Variants in FBXL5 observed in about 807,000 individuals in gnomAD.
FBXL5 encodes F-box/LRR-repeat protein 5.
FBXL5 carries 26 observed loss-of-function variants against 78.3 expected under a neutral mutation model. The ratio of observed to expected loss-of-function variants is 0.33; its 90% CI spans 0.24 to 0.46. The LOEUF is 0.46. Ranked by LOEUF, FBXL5 falls within the 20% of genes least tolerant of loss-of-function variation. FBXL5 has a pLI of 1.00. For synonymous variants in FBXL5, 295 were observed against 282.5 expected (o/e 1.04, Z -0.45); for missense variants, 710 against 829.2 (o/e 0.86, Z 1.77).
chr4:15,660,843 G>A (rs189480407), upstream of FBXL5, among the ~76,000 whole-genome samples: 72 of 152,226 alleles, frequency 4.7e-4, 1 homozygote, highest in East Asian at 3.9e-3. Flanking sequence ...CTGGGAGGCC[G>A]AGGTGGGCGG....
At chr4:15,644,045 T>C (rs67047740) in intron 2 of FBXL5, among the ~76,000 whole-genome samples, 15,992 of 152,294 alleles carry the variant, frequency 0.11, 1,115 homozygotes, top group Non-Finnish European at 0.15. Flanking sequence ...TAGTCCAGTT[T>C]CAGCAAAAAT....
At chr4:15,654,796 G>A (rs1037932042) in intron 1 of FBXL5, among the ~76,000 whole-genome samples, 6 of 152,162 alleles carry the variant, frequency 3.9e-5, no homozygotes, top group Admixed American at 3.3e-4. Flanking sequence ...CAACTACTCG[G>A]TGCAGATGGG....
chr4:15,619,065 G>A lies in FBXL5; in HGVS notation c.1850+6187C>T, dbSNP rs116239216. On this transcript the variant is annotated intron_variant, in intron 9 of 10. Transcript: ENST00000341285. ...GCTACTTGTAGTGGTGGGGCAGGGG[G>A]GTGCTGAGGTAAGAGGATCACTAGG... 3.9e-3 allele frequency among the ~76,000 whole-genome samples: 591 copies of A among 152,176 alleles called. 7 individuals are homozygous for A. Among genetic ancestry groups the A allele is most frequent in the African/African-American group, 0.014 (572 of 41,508 alleles).
chr4:15,636,623 T>A lies in FBXL5; in HGVS notation c.637A>T (p.Met213Leu). 1 of 1,613,982 alleles carries A rather than the reference T, an allele frequency of 6.2e-7. No individual in the cohort carries two copies. Among genetic ancestry groups the A allele is most frequent in the South Asian group, 1.1e-5 (1 of 91,066 alleles). The stretch of plus-strand genomic sequence containing the variant: ...TTAAGATAGCTGAAAATTGACAGCA[T>A]TACCTCAGGAGGAAGATGGGTTATA... ...TGITHLPPEVMLSIFSYLNPQ... is the reference protein window; with the variant it reads ...TGITHLPPEVLLSIFSYLNPQ... Residue 213 changes from methionine to leucine, a missense_variant, in exon 5 of 11, where the codon ATG becomes TTG. Transcript: ENST00000341285.
upstream of FBXL5, among the ~76,000 whole-genome samples, chr4:15,661,393 T>A (rs1717301032): frequency 2.6e-5 from 4 of 152,210 alleles, no homozygotes; most frequent in South Asian, 8.3e-4. Flanking sequence ...TTTTATGGAA[T>A]TTAGCAGAGC....
At chr4:15,655,672 C>T (rs1195676620), upstream of FBXL5, among the ~76,000 whole-genome samples, 1 of 152,244 alleles carries the variant, frequency 6.6e-6, no homozygotes, top group Non-Finnish European at 1.5e-5. Flanking sequence ...GCCCTGCCCA[C>T]CACGGCCTTG....
rs576554381 is a variant in FBXL5, at chr4:15,604,722, T to C, written c.*1001A>G. The C allele has an allele frequency of 6.6e-6, 1 of 152,326 alleles. No homozygotes were observed. Among genetic ancestry groups the C allele is most frequent in the Admixed American group, 6.5e-5 (1 of 15,304 alleles). 9.4% of individuals were successfully genotyped at this position (152,326 alleles called of 1,614,324 possible). A position where few individuals can be genotyped will look rare whatever the true frequency, so the allele number is the denominator to read the frequency against. The stretch of plus-strand genomic sequence containing the variant: ...CATTGCCATTTTCTTCTACATGACA[T>C]AAAATTGTACTAAAAGGCACTAGTA... On this transcript the variant is annotated 3_prime_UTR_variant, in exon 11 of 11. Coordinates refer to ENST00000341285, the MANE Select transcript of FBXL5 (RefSeq NM_012161.4).
At chr4:15,651,153 T>C (rs1189579226) in intron 1 of FBXL5, among the ~76,000 whole-genome samples, 1 of 152,214 alleles carries the variant, frequency 6.6e-6, no homozygotes, top group Non-Finnish European at 1.5e-5. Flanking sequence ...GGGAGACTTA[T>C]ACTCAGTGAA....
intron 9 of FBXL5, among the ~76,000 whole-genome samples, chr4:15,617,840 G>T (rs1164167407): frequency 6.6e-6 from 1 of 152,178 alleles, no homozygotes; most frequent in African/African-American, 2.4e-5. Flanking sequence ...AGAGGATCAG[G>T]AAGAATAGCT....
At chr4:15,629,276 T>G (rs1713382914) in intron 6 of FBXL5, among the ~76,000 whole-genome samples, 3 of 152,130 alleles carry the variant, frequency 2.0e-5, no homozygotes, top group Non-Finnish European at 4.4e-5. Context: ...ACAAATACAC[T>G]GAATTTGTGA....
chr4:15,609,237 A>G (rs1279405113), intron 10 of FBXL5, among the ~76,000 whole-genome samples: 2 of 152,172 alleles, frequency 1.3e-5, no homozygotes, highest in Admixed American at 6.5e-5. Flanking sequence ...TAAAGCCTAA[A>G]TTACATTAAG....
rs1198022880 is a variant in FBXL5, at chr4:15,625,968, C to T, written c.1134G>A (p.Trp378Ter). 6.4e-7 allele frequency: 1 copy of T among 1,566,618 alleles called. No individual in the cohort carries two copies. The highest frequency in any genetic ancestry group is 8.6e-7 in the Non-Finnish European group (1 of 1,162,462). ...GCCGAAGACTCTGGCAGCAACCAAG[C>T]CAAGACCAACTATAATTAAAAGACA... ...ISDSAFDSWS[W>*]LGCCQSLRHL... The change falls in exon 9 of 11, where the codon TGG becomes TGA. Residue 378 changes from tryptophan (W) to a stop codon, truncating the protein, a stop_gained. Transcript: ENST00000341285. LOFTEE classifies it high-confidence loss of function.
At chr4:15,655,543 TTCATAAGCCGCAGAAGGAACCCAAA>T (rs1244312572), upstream of FBXL5, 6 of 221,866 alleles carry the variant, frequency 2.7e-5, no homozygotes, top group Non-Finnish European at 4.6e-5. Context: ...TTTTGTCGTC[TTCATAAGCCGCAGAAGGAACCCAAA>T]CCTTTTCCCT....
chr4:15,672,551 G>C (rs1717808743), intron 1 of FBXL5, among the ~76,000 whole-genome samples: 2 of 152,238 alleles, frequency 1.3e-5, no homozygotes, highest in South Asian at 4.1e-4. Context: ...ACATAGAAAA[G>C]TTATAGTAAA....
At chr4:15,613,209 A>C (rs969180340) in intron 9 of FBXL5, among the ~76,000 whole-genome samples, 5 of 152,164 alleles carry the variant, frequency 3.3e-5, no homozygotes, top group Non-Finnish European at 5.9e-5. Flanking sequence ...GTGAGAAGTG[A>C]CTGCTAATAA....
At chr4:15,636,766 T>C (rs1216110503) in intron 4 of FBXL5, 90 bp from the exon 5 acceptor site, 16 of 923,120 alleles carry the variant, frequency 1.7e-5, no homozygotes, top group Non-Finnish European at 2.5e-5. Flanking sequence ...CAAAATCCAG[T>C]GCCTGAAGTC....
intron 6 of FBXL5, among the ~76,000 whole-genome samples, chr4:15,629,351 TCC>T (rs1464603291): frequency 6.6e-6 from 1 of 152,116 alleles, no homozygotes; most frequent in African/African-American, 2.4e-5. Context: ...AACTGAGACT[TCC>T]TTAAGTTGAC....
chr4:15,677,524 A>T (rs1718037589), intron 1 of FBXL5, among the ~76,000 whole-genome samples: 1 of 152,194 alleles, frequency 6.6e-6, no homozygotes, highest in African/African-American at 2.4e-5. Context: ...ACTATCTCTG[A>T]CAAGGGGAGA....
At chr4:15,612,860 C>T (rs1006152940) in intron 9 of FBXL5, among the ~76,000 whole-genome samples, 1 of 151,942 alleles carries the variant, frequency 6.6e-6, no homozygotes, top group South Asian at 2.1e-4. Context: ...AGGTATATAC[C>T]CAAGAGAATT....
Sources: gnomAD v4.1 joint callset for allele counts (sites outside exome capture counted in the v4.1 genomes callset) on GRCh38, gnomAD v4.1.1 for gene constraint, MANE v1.5 for transcripts, NCBI Gene and HGNC (gene_info 2026-07-23, HGNC 2026-07-21) for gene names.